The following PML variants were observed in gnomAD, a reference collection of about 807,000 sequenced individuals.
PML encodes the protein PML nuclear body scaffold, also known as protein PML.
A neutral mutation model predicts 65.2 loss-of-function variants in PML; 28 were observed. The ratio of observed to expected loss-of-function variants is 0.43; its 90% CI spans 0.32 to 0.59. The LOEUF is 0.59. Among genes scored for constraint, PML ranks in the 20% least tolerant of loss-of-function variants. The pLI is 0.08. For synonymous variants in PML, 500 were observed against 508.8 expected, an observed-to-expected ratio of 0.98 and a Z score of 0.23; for missense variants, 1,021 against 1,203.4, an observed-to-expected ratio of 0.85 and a Z score of 2.24.
chr15:74,033,859 A>G (rs1465154503), intron 6 of PML: 1 of 477,298 alleles, frequency 2.1e-6, no homozygotes, highest in Non-Finnish European at 3.7e-6. Context: ...TAAGTATCTC[A>G]TTTGTCAGAG....
At position 74,046,225 on chromosome 15, in the gene PML, C is replaced by T. The variant is rs1246278151; in HGVS notation, c.*1217C>T. On this transcript the variant is annotated 3_prime_UTR_variant, in exon 9 of 9. Coordinates refer to ENST00000268058, the MANE Select transcript of PML (RefSeq NM_033238.3). ...ACTTCTCATCCTTGAATTCTAGCTC[C>T]CATTCCAAACTGTTAGTCCCCAACC... is the stretch of plus-strand genomic sequence containing the variant. 8.6e-6 allele frequency: 2 copies of T among 233,146 alleles called. No homozygotes were observed. Among genetic ancestry groups the T allele is most frequent in the Non-Finnish European group, 1.7e-5 (2 of 118,028 alleles). The allele number at this position is 233,146 out of a possible 1,614,324, so 14.4% of individuals were successfully genotyped here.
At chr15:74,023,972 C>T (rs1410043484) in intron 3 of PML, among the ~76,000 whole-genome samples, 1 of 152,176 alleles carries the variant, frequency 6.6e-6, no homozygotes, top group African/African-American at 2.4e-5. Context: ...GAGACACAGA[C>T]TAGTTTCTGA....
chr15:74,032,073 C>G (rs931577708), intron 4 of PML, among the ~76,000 whole-genome samples: 4 of 152,290 alleles, frequency 2.6e-5, no homozygotes, highest in Admixed American at 6.5e-5. Flanking sequence ...GTTAAAGGAG[C>G]TGCTTTCGCC....
Position 74,047,189 on chromosome 15 carries a change from A to C in PML, c.*2181A>C, listed in dbSNP as rs2071779685. ...GTGTTCCTTGAGTGACAGGTGGTAA[A>C]ACCCTTAAAAAGGGAGGTGTGGGAG... is the stretch of plus-strand genomic sequence containing the variant. On this transcript the variant is annotated 3_prime_UTR_variant, in exon 9 of 9. Transcript: ENST00000268058. 4.3e-6 allele frequency: 1 copy of C among 231,012 alleles called. No individual in the cohort carries two copies. The highest frequency in any genetic ancestry group is 8.6e-6 in the Non-Finnish European group (1 of 116,710). The allele number at this position is 231,012 out of a possible 1,614,324, so 14.3% of individuals were successfully genotyped here. A position where few individuals can be genotyped will look rare whatever the true frequency, so the allele number is the denominator to read the frequency against.
intron 2 of PML, among the ~76,000 whole-genome samples, chr15:74,003,015 A>G (rs1160200725): frequency 2.0e-5 from 3 of 152,168 alleles, no homozygotes; most frequent in Admixed American, 1.3e-4. Context: ...CGTCCCAGCT[A>G]TTCGGGAGGT....
At position 74,022,912 on chromosome 15, in the gene PML, C is replaced by G. The variant is rs779310039; in HGVS notation, c.687C>G (p.Ile229Met). 2 of 1,613,014 alleles carry G rather than the reference C, an allele frequency of 1.2e-6. No individual in the cohort carries two copies. The highest frequency in any genetic ancestry group is 1.1e-5 in the South Asian group (1 of 90,912). Reference sequence around the variant, plus strand: ...GCCACAGTGAGCTCAAGTGCGACATCAGCGCAGAGATCCAGCAGCGACAGG... The same window carrying G: ...GCCACAGTGAGCTCAAGTGCGACATGAGCGCAGAGATCCAGCAGCGACAGG... ...DSSHSELKCD[I>M]SAEIQQRQEE... The change falls in exon 3 of 9, where the codon ATC becomes ATG. Residue 229 changes from isoleucine (I) to methionine (M), a missense_variant. By Grantham distance (10) the Ile-to-Met change is conservative. Coordinates refer to ENST00000268058, the MANE Select transcript of PML (RefSeq NM_033238.3).
intron 2 of PML, among the ~76,000 whole-genome samples, chr15:74,008,425 T>A (rs945923908): frequency 6.6e-6 from 1 of 152,170 alleles, no homozygotes; most frequent in African/African-American, 2.4e-5. Flanking sequence ...AATGGGACCC[T>A]GTGGAGGGCT....
intron 7 of PML, among the ~76,000 whole-genome samples, chr15:74,036,602 C>A (rs2071568564): frequency 2.0e-5 from 3 of 152,162 alleles, no homozygotes; most frequent in Admixed American, 2.0e-4. Context: ...TCCTGGCCGT[C>A]TGGTAAGATC....
Position 74,034,464 on chromosome 15 carries a change from C to A in PML, c.1658-14C>A. ...CTAGGCAGTTCATAATGCATCTCCC[C>A]TTCCCCGTTTCAGAGGAACGCGTTG... is the stretch of plus-strand genomic sequence containing the variant. On this transcript the variant is annotated splice_polypyrimidine_tract_variant and intron_variant, in intron 6 of 8. Transcript: ENST00000268058. 6.2e-7 allele frequency: 1 copy of A among 1,614,212 alleles called. No homozygotes were observed. Among genetic ancestry groups the A allele is most frequent in the Non-Finnish European group, 8.5e-7 (1 of 1,180,036 alleles).
At chr15:74,019,254 C>T (rs1369092454) in intron 2 of PML, among the ~76,000 whole-genome samples, 1 of 152,208 alleles carries the variant, frequency 6.6e-6, no homozygotes, top group Admixed American at 6.5e-5. Flanking sequence ...CTCTATCCAG[C>T]CAGGCTGCCT....
At chr15:74,019,263 C>A (rs142836732) in intron 2 of PML, among the ~76,000 whole-genome samples, 35 of 152,342 alleles carry the variant, frequency 2.3e-4, no homozygotes, top group African/African-American at 7.7e-4. Flanking sequence ...GCCAGGCTGC[C>A]TGAGGCGTGC....
At chr15:74,034,963 C>T (rs1472038670) in intron 7 of PML, 2 of 1,472,608 alleles carry the variant, frequency 1.4e-6, no homozygotes, top group East Asian at 2.5e-5. Context: ...TGAGGTTTGA[C>T]TCCATCCATG....
intron 2 of PML, among the ~76,000 whole-genome samples, chr15:74,007,004 T>G (rs1333425790): frequency 6.6e-6 from 1 of 152,198 alleles, no homozygotes; most frequent in Non-Finnish European, 1.5e-5. Flanking sequence ...AGACCCCACC[T>G]TCAACATTGG....
intron 4 of PML, chr15:74,025,237 T>C: frequency 2.3e-6 from 1 of 429,838 alleles, no homozygotes; most frequent in South Asian, 2.2e-5. Context: ...AATTCCAGCA[T>C]TAGATGGCAT....
Position 74,044,631 on chromosome 15 carries a change from G to A in PML, c.2272G>A (p.Glu758Lys), listed in dbSNP as rs755769375. ...CATGCGTGACCTGTGCCGCCTCCTC[G>A]AGGTCTCCCCGGGCCCCCAGCTGGC... ...LAMRDLCRLLEVSPGPQLAQH... is the reference protein window; with the variant it reads ...LAMRDLCRLLKVSPGPQLAQH... Residue 758 changes from glutamate to lysine, a missense_variant, in exon 9 of 9, where the codon GAG (glutamate) becomes AAG (lysine). Glu to Lys is a moderately conservative substitution (Grantham distance 56). Transcript: ENST00000268058. 7 of 1,606,074 alleles carry A rather than the reference G, an allele frequency of 4.4e-6. No individual in the cohort carries two copies. The highest frequency in any genetic ancestry group is 1.7e-5 in the Admixed American group (1 of 59,986).
At position 74,035,343 on chromosome 15, in the gene PML, G is replaced by A. The variant is rs112272650; in HGVS notation, c.1710+813G>A. On this transcript the variant is annotated intron_variant, in intron 7 of 8. Transcript: ENST00000268058. The surrounding 1 kb of genome is among the most constrained non-coding windows in gnomAD (Gnocchi z 4.1). ...CCCAGCTTGGCCTCCCCACCAGCCC[G>A]CTGAGCAGGCTGCCACCCCCGATGC... The A allele has an allele frequency of 2.0e-3, 3,193 of 1,611,868 alleles. 50 individuals carry two copies. The African/African-American group carries it at 0.036, about 18-fold the overall frequency.
chr15:74,035,244 G>A lies in PML; in HGVS notation c.1710+714G>A. 1.9e-6 allele frequency: 3 copies of A among 1,609,240 alleles called. No homozygotes were observed. Among genetic ancestry groups the A allele is most frequent in the Non-Finnish European group, 2.6e-6 (3 of 1,176,184 alleles). On this transcript the variant is annotated intron_variant, in intron 7 of 8. Coordinates refer to ENST00000268058, the MANE Select transcript of PML (RefSeq NM_033238.3). This position sits in a 1 kb window ranked among gnomAD's most constrained non-coding sequence, Gnocchi z 4.1. ...CTCCTCGCCAGCCCACTCCTCGCCA[G>A]CCCACTCCTCGCCAGTCCAGTCTCT... is the stretch of plus-strand genomic sequence containing the variant.
chr15:73,999,807 T>A (rs2069673822), intron 2 of PML, among the ~76,000 whole-genome samples: 1 of 151,984 alleles, frequency 6.6e-6, no homozygotes, highest in Non-Finnish European at 1.5e-5. Context: ...TCTGGTTCTA[T>A]CTTTTGGATT....
Position 74,035,670 on chromosome 15 carries a change from C to T in PML, c.1710+1140C>T, listed in dbSNP as rs765228989. The stretch of plus-strand genomic sequence containing the variant: ...TGTGCGATCCCGCAGCCGCTCCCTC[C>T]GGGGCTCCTCCCATTTATCCCAGTG... On this transcript the variant is annotated intron_variant, in intron 7 of 8. Transcript: ENST00000268058. This position sits in a 1 kb window ranked among gnomAD's most constrained non-coding sequence, Gnocchi z 4.1. The T allele has an allele frequency of 2.1e-5, 34 of 1,613,972 alleles. No individual in the cohort carries two copies. Among genetic ancestry groups the T allele is most frequent in the African/African-American group, 2.7e-5 (2 of 74,922 alleles).
Sources: gnomAD v4.1 joint callset for allele counts (sites outside exome capture counted in the v4.1 genomes callset) on GRCh38, gnomAD v4.1.1 for gene constraint, Gnocchi (gnomAD v3.1) non-coding constraint, MANE v1.5 for transcripts, NCBI Gene and HGNC (gene_info 2026-07-23, HGNC 2026-07-21) for gene names.